PLCE1: variants seen among roughly 807,000 people sequenced by gnomAD.
PLCE1 encodes phospholipase C epsilon 1, also known as 1-phosphatidylinositol 4,5-bisphosphate phosphodiesterase epsilon-1.
A neutral mutation model predicts 242.8 loss-of-function variants in PLCE1; 119 were observed. The observed-to-expected ratio is 0.49, with a 90% confidence interval of 0.42 to 0.57. The LOEUF is 0.57. PLCE1 is among the 20% of genes least tolerant of loss of function. The pLI is 0.00. For missense variants in PLCE1, 2,441 were observed against 2,788.8 expected (o/e 0.88, Z 2.81); for synonymous variants, 945 against 1,017.4 (o/e 0.93, Z 1.35).
intron 4 of PLCE1, among the ~76,000 whole-genome samples, chr10:94,196,666 A>C (rs2048832670): frequency 6.6e-6 from 1 of 152,120 alleles, no homozygotes; most frequent in South Asian, 2.1e-4. Flanking sequence ...TTTGAGAGAG[A>C]GGACCCCACT....
intron 22 of PLCE1, 99 bp from the exon 23 acceptor site, chr10:94,293,409 G>GAGT (rs1220409867): frequency 1.1e-5 from 15 of 1,306,562 alleles, no homozygotes; most frequent in Admixed American, 1.7e-5. Flanking sequence ...GGTTCCAAGG[G>GAGT]AGTAGTAGGA....
chr10:94,232,868 C>A (rs976072793), intron 5 of PLCE1, among the ~76,000 whole-genome samples: 1 of 152,200 alleles, frequency 6.6e-6, no homozygotes, highest in African/African-American at 2.4e-5. Context: ...GGAGCTCCAG[C>A]TAGCCTCAAA....
At position 94,293,344 on chromosome 10, in the gene PLCE1, T is replaced by C. The variant is rs368825476; in HGVS notation, c.5036-164T>C. 1.8e-3 allele frequency among the ~76,000 whole-genome samples: 267 copies of C among 152,354 alleles called. 2 individuals are homozygous for C. Among genetic ancestry groups the C allele is most frequent in the African/African-American group, 5.9e-3 (245 of 41,576 alleles). On this transcript the variant is annotated intron_variant, in intron 22 of 32. Coordinates refer to ENST00000371380, the MANE Select transcript of PLCE1 (RefSeq NM_016341.4). Reference sequence around the variant, plus strand: ...GAGATTTTTAAAACTTTGCTTTAATTGCCTACAATGCTATTATTAACAGAA... The same window carrying C: ...GAGATTTTTAAAACTTTGCTTTAATCGCCTACAATGCTATTATTAACAGAA...
intron 28 of PLCE1, 46 bp from the exon 29 acceptor site, chr10:94,316,501 T>C (rs2053578627): frequency 8.1e-7 from 1 of 1,240,052 alleles, no homozygotes; most frequent in Non-Finnish European, 1.2e-6. Flanking sequence ...TTGATTTGTT[T>C]TAAGTTTTTG....
At position 94,222,331 on chromosome 10, in the gene PLCE1, C is replaced by CTTCATTCA. The variant is rs375517855; in HGVS notation, c.1810-4949_1810-4942dup. Among the ~76,000 whole-genome samples, 774 of 152,086 alleles carry CTTCATTCA rather than the reference C, an allele frequency of 5.1e-3. 3 individuals carry two copies. The highest frequency in any genetic ancestry group is 9.4e-3 in the African/African-American group (390 of 41,440). On this transcript the variant is annotated intron_variant, in intron 4 of 32. Transcript: ENST00000371380. ...GAAAAGCCTCCCTAGAGGAGGTAAG[C>CTTCATTCA]TTCATTCATTCATTCATTCATTCAT...
chr10:93,994,847 C>T (rs1488719418), intron 1 of PLCE1, among the ~76,000 whole-genome samples: 1 of 152,226 alleles, frequency 6.6e-6, no homozygotes, highest in Non-Finnish European at 1.5e-5. Context: ...GTTCAGCCGA[C>T]TTAACCAATT....
chr10:94,149,369 G>T (rs1564733877), intron 3 of PLCE1, among the ~76,000 whole-genome samples: 2 of 152,184 alleles, frequency 1.3e-5, no homozygotes, highest in South Asian at 4.1e-4. Context: ...TAACCCAAAT[G>T]CCATTTCTCA....
intron 8 of PLCE1, among the ~76,000 whole-genome samples, chr10:94,250,867 C>G (rs892818690): frequency 1.3e-5 from 2 of 152,120 alleles, no homozygotes; most frequent in South Asian, 4.1e-4. Flanking sequence ...GTAGTTAAAA[C>G]GTATCCATTA....
intron 3 of PLCE1, among the ~76,000 whole-genome samples, chr10:94,136,349 A>G (rs2046774476): frequency 6.6e-6 from 1 of 152,206 alleles, no homozygotes; most frequent in Non-Finnish European, 1.5e-5. Context: ...AATTTACTTA[A>G]TACCACTGAA....
intron 4 of PLCE1, among the ~76,000 whole-genome samples, chr10:94,189,361 G>T (rs2048589108): frequency 6.6e-6 from 1 of 150,826 alleles, no homozygotes; most frequent in South Asian, 2.1e-4. Flanking sequence ...AGATTCACCT[G>T]TGAAATATTT....
At chr10:94,263,198 A>G (rs1440226011) in intron 14 of PLCE1, among the ~76,000 whole-genome samples, 1 of 152,032 alleles carries the variant, frequency 6.6e-6, no homozygotes, top group Non-Finnish European at 1.5e-5. Flanking sequence ...TTAACAAAAT[A>G]CCAAGTATGT....
At chr10:94,227,237 G>A in intron 4 of PLCE1, 69 bp from the exon 5 acceptor site, 1 of 1,430,242 alleles carries the variant, frequency 7.0e-7, no homozygotes, top group Admixed American at 1.7e-5. Context: ...AACAAAGAAT[G>A]CTTTTGGAAA....
At position 94,234,264 on chromosome 10, in the gene PLCE1, T is replaced by C. The variant is rs1052362705; in HGVS notation, c.2166T>C (p.Gly722=). The change falls in exon 6 of 33, where the codon GGT becomes GGC. Residue 722 remains glycine, a synonymous_variant. Transcript: ENST00000371380. ...ELCEVLDGAS[G]LMKLCPRYNS... is the part of the protein sequence containing the mutation. ...GTGAAGTGCTTGACGGCGCCTCCGG[T>C]CTCATGAAGCTTTGCCCGCGGTACA... is the stretch of plus-strand genomic sequence containing the variant. The C allele has an allele frequency of 4.3e-6, 7 of 1,613,968 alleles. No individual in the cohort carries two copies. The African/African-American group carries it at 6.7e-5, about 15-fold the overall frequency.
At chr10:94,244,141 G>T (rs2050599631) in intron 7 of PLCE1, among the ~76,000 whole-genome samples, 1 of 152,064 alleles carries the variant, frequency 6.6e-6, no homozygotes, top group South Asian at 2.1e-4. Context: ...TCCACGTGTG[G>T]GGCAAGGATG....
At chr10:94,168,188 G>T (rs895432445) in intron 3 of PLCE1, among the ~76,000 whole-genome samples, 26 of 152,170 alleles carry the variant, frequency 1.7e-4, no homozygotes, top group Admixed American at 1.6e-3. Context: ...CATGTTGTTA[G>T]AGAGCAAGGC....
chr10:94,186,515 A>G (rs543295362), intron 4 of PLCE1, among the ~76,000 whole-genome samples: 16 of 152,270 alleles, frequency 1.1e-4, no homozygotes, highest in African/African-American at 3.1e-4. Context: ...AACACTCTAG[A>G]TTTTTTCATA....
At chr10:94,103,556 C>G (rs935507293) in intron 2 of PLCE1, among the ~76,000 whole-genome samples, 4 of 152,118 alleles carry the variant, frequency 2.6e-5, no homozygotes, top group African/African-American at 4.8e-5. Context: ...AATTGAGGCT[C>G]AAGAAATTTG....
At chr10:94,006,238 A>C (rs551492579) in intron 1 of PLCE1, among the ~76,000 whole-genome samples, 2 of 152,278 alleles carry the variant, frequency 1.3e-5, no homozygotes, top group Non-Finnish European at 2.9e-5. Context: ...GATGAGGATT[A>C]AATGAAATAG....
At chr10:94,190,437 T>C (rs1355227479) in intron 4 of PLCE1, among the ~76,000 whole-genome samples, 1 of 152,124 alleles carries the variant, frequency 6.6e-6, no homozygotes, top group Non-Finnish European at 1.5e-5. Context: ...AGCAAGACCT[T>C]GTCTCTACAA....
Sources: allele counts gnomAD v4.1 joint callset (sites outside exome capture counted in the v4.1 genomes callset), GRCh38; gene constraint gnomAD v4.1.1; transcripts MANE v1.5; gene names NCBI Gene and HGNC (gene_info 2026-07-23, HGNC 2026-07-21).